The following TFCP2L1 variants were observed in gnomAD, a reference collection of about 807,000 sequenced individuals.
TFCP2L1 encodes transcription factor CP2-like protein 1.
In TFCP2L1, 12 loss-of-function variants were observed where a neutral mutation model predicts 72.2. The ratio of observed to expected loss-of-function variants is 0.17; its 90% CI spans 0.11 to 0.27. The LOEUF is 0.27. Ranked by LOEUF, TFCP2L1 falls within the 10% of genes least tolerant of loss-of-function variation. TFCP2L1 has a pLI of 1.00. For missense variants in TFCP2L1, 488 were observed against 624.6 expected, an observed-to-expected ratio of 0.78 and a Z score of 2.33; for synonymous variants, 260 against 251.0, an observed-to-expected ratio of 1.04 and a Z score of -0.34.
At chr2:121,276,993 A>G (rs1687161138) in intron 2 of TFCP2L1, among the ~76,000 whole-genome samples, 1 of 152,150 alleles carries the variant, frequency 6.6e-6, no homozygotes, top group Non-Finnish European at 1.5e-5. Context: ...TATAGTTATC[A>G]CCCAACGAAA....
At chr2:121,235,413 G>T in intron 10 of TFCP2L1, 102 bp from the exon 11 acceptor site, 1 of 1,101,422 alleles carries the variant, frequency 9.1e-7, no homozygotes, top group Non-Finnish European at 1.4e-6. Flanking sequence ...TGGGGGGTGG[G>T]GAAGAGCCAG....
In TFCP2L1 at chr2:121,234,238, GC is replaced by G. The variant is rs755009918; in HGVS notation, c.1095-45del. 6.5e-5 allele frequency: 102 copies of G among 1,560,316 alleles called. No individual in the cohort carries two copies. In the African/African-American group the frequency reaches 1.3e-3, roughly 19 times the overall value. On this transcript the variant is annotated intron_variant, in intron 11 of 14. Transcript: ENST00000263707. ...ATAAATAATAGGTGTGGTGGACCAG[GC>G]GCAGTTGTTTCAGAATATTCCAGGA... is the stretch of plus-strand genomic sequence containing the variant.
At chr2:121,273,189 T>C (rs754811405) in intron 2 of TFCP2L1, among the ~76,000 whole-genome samples, 7 of 152,130 alleles carry the variant, frequency 4.6e-5, no homozygotes, top group Non-Finnish European at 8.8e-5. Flanking sequence ...TGACAGAAAA[T>C]ATCAAAGCAT....
At chr2:121,268,062 C>A (rs755317632) in intron 2 of TFCP2L1, among the ~76,000 whole-genome samples, 76 of 152,210 alleles carry the variant, frequency 5.0e-4, no homozygotes, top group Non-Finnish European at 8.2e-4. Context: ...CAGTGAGCTA[C>A]GATCACAGCA....
intron 2 of TFCP2L1, among the ~76,000 whole-genome samples, chr2:121,273,923 T>C (rs1329258581): frequency 1.3e-5 from 2 of 151,950 alleles, no homozygotes; most frequent in Non-Finnish European, 2.9e-5. Context: ...CTAAACCCGG[T>C]CTCTATTTAA....
intron 2 of TFCP2L1, among the ~76,000 whole-genome samples, chr2:121,274,706 T>C (rs192314117): frequency 6.6e-6 from 1 of 152,302 alleles, no homozygotes; most frequent in African/African-American, 2.4e-5. Context: ...CCCAACACTT[T>C]GGGAGGCCAA....
chr2:121,233,011 G>C (rs1274947577), intron 12 of TFCP2L1, among the ~76,000 whole-genome samples: 2 of 152,154 alleles, frequency 1.3e-5, no homozygotes, highest in Admixed American at 1.3e-4. Context: ...CCTCATCAGA[G>C]GCCCAATATT....
chr2:121,240,376 T>C (rs778830167), intron 7 of TFCP2L1: 173 of 985,256 alleles, frequency 1.8e-4, no homozygotes, highest in Non-Finnish European at 2.0e-4. Context: ...AAAAAGTTCA[T>C]CTCTTCCCTT....
rs371106335 is a variant in TFCP2L1 at position 121,248,256 on chromosome 2, C to T, written c.412G>A (p.Val138Ile). Residue 138 changes from valine (V) to isoleucine (I), a missense_variant, in exon 5 of 15, where the codon GTT becomes ATT. Coordinates refer to ENST00000263707, the MANE Select transcript of TFCP2L1 (RefSeq NM_014553.3). ...RILDIDIPLS[V>I]GILDPRASPT... ...CTGGCCCTGGGGTCCAAGATACCAA[C>T]AGACAGTGGAATATCTGCATACACA... The T allele has an allele frequency of 6.2e-7, 1 of 1,613,852 alleles. No homozygotes were observed. The highest frequency in any genetic ancestry group is 1.1e-5 in the South Asian group (1 of 91,002).
At chr2:121,265,065 GA>G (rs1686902436) in intron 2 of TFCP2L1, among the ~76,000 whole-genome samples, 1 of 152,098 alleles carries the variant, frequency 6.6e-6, no homozygotes, top group Non-Finnish European at 1.5e-5. Flanking sequence ...CCAAAAAGTA[GA>G]AACAGTCCAA....
intron 2 of TFCP2L1, among the ~76,000 whole-genome samples, chr2:121,277,372 A>G (rs1687169199): frequency 6.6e-6 from 1 of 152,202 alleles, no homozygotes; most frequent in Non-Finnish European, 1.5e-5. Context: ...ATTAAATTCC[A>G]TGTTTCACTA....
In TFCP2L1 at chr2:121,219,061, A is replaced by T. The variant is rs1418467272; in HGVS notation, c.*5280T>A. 1 of 152,316 alleles carries T rather than the reference A, an allele frequency of 6.6e-6. No individual in the cohort carries two copies. The highest frequency in any genetic ancestry group is 1.9e-4 in the East Asian group (1 of 5,180). The allele number at this position is 152,316 out of a possible 1,614,324, so 9.4% of individuals were successfully genotyped here. Reference sequence around the variant, plus strand: ...ACCGGTAAGATGACACAGAGCATGCAACCCGAGCGGAAGTGCCTGTGTGAA... The same window carrying T: ...ACCGGTAAGATGACACAGAGCATGCTACCCGAGCGGAAGTGCCTGTGTGAA... On this transcript the variant is annotated 3_prime_UTR_variant, in exon 15 of 15. Transcript: ENST00000263707.
rs548142474 is a variant in TFCP2L1, at chr2:121,285,184, G to A, written c.-75C>T. 3.0e-5 allele frequency: 39 copies of A among 1,287,614 alleles called. No individual in the cohort carries two copies. In the African/African-American group the frequency reaches 3.9e-4, roughly 13 times the overall value. 79.8% of individuals were successfully genotyped at this position (1,287,614 alleles called of 1,614,324 possible). A position where few individuals can be genotyped will look rare whatever the true frequency, so the allele number is the denominator to read the frequency against. ...CGGGGCGCGCCGAGGACCCAGCGGC[G>A]GCTTCGCGCTCCGAACCCGCGGTGC... On this transcript the variant is annotated 5_prime_UTR_variant, in exon 1 of 15. Transcript: ENST00000263707.
chr2:121,230,568 C>A (rs576645998), intron 13 of TFCP2L1, among the ~76,000 whole-genome samples: 34 of 152,120 alleles, frequency 2.2e-4, no homozygotes, highest in Non-Finnish European at 4.9e-4. Context: ...ATCACTTGAG[C>A]CCAGGAGTTT....
chr2:121,248,018 A>ATTCT, intron 5 of TFCP2L1, 146 bp downstream of exon 5: 1 of 613,952 alleles, frequency 1.6e-6, no homozygotes, highest in Non-Finnish European at 2.8e-6. Flanking sequence ...TGCAACACTC[A>ATTCT]TTCTCTCTCT....
At chr2:121,259,031 T>G (rs1231053991) in intron 2 of TFCP2L1, among the ~76,000 whole-genome samples, 2 of 152,138 alleles carry the variant, frequency 1.3e-5, no homozygotes, top group Non-Finnish European at 2.9e-5. Flanking sequence ...GTGGATCACT[T>G]GAGGTCAGGA....
At chr2:121,282,026 G>A (rs545699487) in intron 1 of TFCP2L1, among the ~76,000 whole-genome samples, 8 of 151,824 alleles carry the variant, frequency 5.3e-5, no homozygotes, top group Admixed American at 3.3e-4. Flanking sequence ...TCCACCTCCC[G>A]GGTTCAAGCA....
chr2:121,283,222 T>C (rs1027589026), intron 1 of TFCP2L1, among the ~76,000 whole-genome samples: 68 of 152,022 alleles, frequency 4.5e-4, no homozygotes, highest in African/African-American at 1.6e-3. Context: ...CACGAGAACA[T>C]CAAACAGAAA....
intron 2 of TFCP2L1, among the ~76,000 whole-genome samples, chr2:121,255,882 G>A (rs901281077): frequency 2.0e-5 from 3 of 151,930 alleles, no homozygotes; most frequent in Non-Finnish European, 2.9e-5. Flanking sequence ...AGCTGGGACT[G>A]CAGGCGCCCG....
Sources: gnomAD v4.1 joint callset for allele counts (sites outside exome capture counted in the v4.1 genomes callset) on GRCh38, gnomAD v4.1.1 for gene constraint, MANE v1.5 for transcripts, NCBI Gene and HGNC (gene_info 2026-07-23, HGNC 2026-07-21) for gene names.